NLRP1: variants seen among roughly 807,000 people sequenced by gnomAD.
NLRP1 encodes the protein NACHT, LRR and PYD domains-containing protein 1.
NLRP1 carries 94 observed loss-of-function variants against 136.7 expected under a neutral mutation model. That is an observed-to-expected ratio of 0.69 (90% CI 0.58 to 0.82). NLRP1 has a LOEUF of 0.82. NLRP1 is among the 40% of genes least tolerant of loss of function. NLRP1 has a pLI of 0.00. For synonymous variants in NLRP1, 690 were observed against 725.1 expected, an observed-to-expected ratio of 0.95 and a Z score of 0.78; for missense variants, 1,575 against 1,802.7, an observed-to-expected ratio of 0.87 and a Z score of 2.29.
chr17:5,512,659 C>T, downstream of NLRP1: 1 of 338,696 alleles, frequency 3.0e-6, no homozygotes, highest in East Asian at 5.0e-5. Context: ...ACACAGAGCC[C>T]TGAGCTCAGC....
At position 5,533,351 on chromosome 17, in the gene NLRP1, A is replaced by C. The variant is rs1264219239; in HGVS notation, c.3086T>G (p.Leu1029Arg). The C allele has an allele frequency of 2.8e-6, 4 of 1,427,062 alleles. No homozygotes were observed. In the Admixed American group the frequency reaches 7.9e-5, roughly 28 times the overall value. 88.4% of individuals were successfully genotyped at this position (1,427,062 alleles called of 1,614,324 possible). A position where few individuals can be genotyped will look rare whatever the true frequency, so the allele number is the denominator to read the frequency against. The change falls in exon 10 of 17, where the codon CTC (leucine) becomes CGC (arginine). Residue 1029 changes from leucine (L) to arginine (R), a missense_variant. By Grantham distance (102) the Leu-to-Arg change is moderately radical. Transcript: ENST00000572272. ...RAASHVAQAN[L>R]KLLDVSKIFP... is the part of the protein sequence containing the mutation. ...GATCTTGCTCACGTCCAGGAGTTTG[A>C]GATTAGCCTGAGCAACATGGGAAGC...
At chr17:5,512,055 T>G (rs985059998), downstream of NLRP1, 9 of 685,722 alleles carry the variant, frequency 1.3e-5, no homozygotes, top group Non-Finnish European at 2.2e-5. Flanking sequence ...AATTAACACC[T>G]TTAGGTATTT....
In NLRP1 at chr17:5,584,263, G is replaced by T; in HGVS notation, c.-306C>A. 1 of 468,592 alleles carries T rather than the reference G, an allele frequency of 2.1e-6. No individual in the cohort carries two copies. The highest frequency in any genetic ancestry group is 3.9e-6 in the Non-Finnish European group (1 of 256,884). The allele number at this position is 468,592 out of a possible 1,614,324, so 29.0% of individuals were successfully genotyped here. Reference sequence around the variant, plus strand: ...GGGTGAGGGTGAGGGGAGATGTGGTGACGGGAGATGGGGTGTGGGCAACGC... The same window carrying T: ...GGGTGAGGGTGAGGGGAGATGTGGTTACGGGAGATGGGGTGTGGGCAACGC... On this transcript the variant is annotated 5_prime_UTR_variant, in exon 1 of 17. Transcript: ENST00000572272.
At chr17:5,515,860 G>T (rs1233387501) in intron 15 of NLRP1, among the ~76,000 whole-genome samples, 1 of 152,068 alleles carries the variant, frequency 6.6e-6, no homozygotes, top group Non-Finnish European at 1.5e-5. Flanking sequence ...CAAACCCCTT[G>T]CTAGATAGCT....
intron 2 of NLRP1, 136 bp from the exon 3 acceptor site, chr17:5,582,198 G>C (rs753029354): frequency 2.5e-5 from 19 of 773,422 alleles, no homozygotes; most frequent in Non-Finnish European, 3.5e-5. Flanking sequence ...TGAAGTAGAG[G>C]GGCAATTTTA....
At chr17:5,545,681 A>G (rs1912577928) in intron 5 of NLRP1, among the ~76,000 whole-genome samples, 1 of 152,182 alleles carries the variant, frequency 6.6e-6, no homozygotes, top group South Asian at 2.1e-4. Context: ...CCTGAGCTGC[A>G]GAGTGTGGCC....
At chr17:5,539,315 A>G in intron 7 of NLRP1, 100 bp downstream of exon 7, 1 of 1,132,964 alleles carries the variant, frequency 8.8e-7, no homozygotes. Context: ...CTGGTAAGAA[A>G]CTTGGGTTGG....
intron 15 of NLRP1, chr17:5,502,176 G>A: frequency 3.4e-6 from 1 of 298,034 alleles, no homozygotes; most frequent in Non-Finnish European, 6.6e-6. Flanking sequence ...AACGGCAGCA[G>A]CAAACTCTGG....
chr17:5,515,049 G>A lies in NLRP1; in HGVS notation c.4127C>T (p.Pro1376Leu), dbSNP rs201238497. 8.7e-6 allele frequency: 14 copies of A among 1,613,970 alleles called. No homozygotes were observed. Among genetic ancestry groups the A allele is most frequent in the East Asian group, 4.5e-5 (2 of 44,892 alleles). ...RIAVPSPLDA[P>L]QLLHFVDQYR... ...CTGGTCCACAAAGTGCAGCAACTGC[G>A]GGGCATCCAGAGGTGAAGGTACGGC... Residue 1376 changes from proline (P) to leucine (L), a missense_variant, in exon 17 of 17, where the codon CCG becomes CTG. Transcript: ENST00000572272.
rs1905833005 is a variant in NLRP1 at position 5,582,782 on chromosome 17, G to A, written c.336C>T (p.Thr112=). The A allele has an allele frequency of 1.2e-6, 2 of 1,614,060 alleles. No individual in the cohort carries two copies. The highest frequency in any genetic ancestry group is 1.7e-6 in the Non-Finnish European group (2 of 1,179,950). Residue 112 remains threonine, a synonymous_variant, in exon 2 of 17, where the codon ACC becomes ACT. Coordinates refer to ENST00000572272, the MANE Select transcript of NLRP1 (RefSeq NM_033004.4). ...EPHLGSPSQP[T]STAVLMPWIH... is the part of the protein sequence containing the mutation. ...TCCAGGGCATTAGCACTGCGGTGGA[G>A]GTGGGTTGGCTGGGAGACCCCAGGT... is the stretch of plus-strand genomic sequence containing the variant.
intron 3 of NLRP1, among the ~76,000 whole-genome samples, chr17:5,560,838 C>T (rs540401225): frequency 3.3e-5 from 5 of 152,336 alleles, no homozygotes; most frequent in South Asian, 2.1e-4. Flanking sequence ...CAACCAAATC[C>T]GGTCTCAGGC....
intron 5 of NLRP1, among the ~76,000 whole-genome samples, chr17:5,544,288 C>T (rs555322260): frequency 3.9e-5 from 6 of 152,306 alleles, no homozygotes; most frequent in African/African-American, 1.4e-4. Flanking sequence ...CAGCCTTTCT[C>T]GATTTGGGCT....
intron 16 of NLRP1, 122 bp from the exon 17 acceptor site, chr17:5,515,195 C>T: frequency 1.0e-6 from 1 of 970,346 alleles, no homozygotes; most frequent in Non-Finnish European, 1.5e-6. Context: ...CACCTGTGTC[C>T]TCCCTCATGG....
chr17:5,505,597 C>G (rs8068187), intron 15 of NLRP1: 50,225 of 152,252 alleles, frequency 0.33, 9,602 homozygotes, highest in African/African-American at 0.53. Context: ...TTTCAAGGCA[C>G]TGACTGCCAC....
rs1465199052 is a variant in NLRP1, at chr17:5,530,497, G to GT, written c.3503dup (p.His1168GlnfsTer21). 4.3e-6 allele frequency: 7 copies of GT among 1,613,924 alleles called. No homozygotes were observed. Among genetic ancestry groups the GT allele is most frequent in the African/African-American group, 4.0e-5 (3 of 74,904 alleles). On this transcript the variant is annotated frameshift_variant, in exon 12 of 17. Transcript: ENST00000572272. LOFTEE classifies it high-confidence loss of function. ...GTTGTTTACCTTGGAGAGCCACAAA[G>GT]TGAGGGAGGTGCACAGCTTCCACAG... is the stretch of plus-strand genomic sequence containing the variant.
intron 12 of NLRP1, among the ~76,000 whole-genome samples, chr17:5,525,407 C>T (rs531353693): frequency 5.9e-5 from 9 of 152,326 alleles, no homozygotes; most frequent in East Asian, 3.9e-4. Context: ...GCCGCATGCC[C>T]GGTGTTTGCC....
intron 13 of NLRP1, 23 bp downstream of exon 13, chr17:5,521,501 G>A: frequency 6.2e-7 from 1 of 1,606,330 alleles, no homozygotes; most frequent in Non-Finnish European, 8.5e-7. Context: ...CCGTGGCCCA[G>A]CCTTTCTGGC....
At chr17:5,564,246 ATTAT>A (rs1307732037) in intron 3 of NLRP1, among the ~76,000 whole-genome samples, 4 of 152,196 alleles carry the variant, frequency 2.6e-5, no homozygotes, top group Admixed American at 6.5e-5. Context: ...CAATTAATTT[ATTAT>A]TGACTATAGT....
At chr17:5,527,515 C>T (rs961717656) in intron 12 of NLRP1, among the ~76,000 whole-genome samples, 1 of 152,166 alleles carries the variant, frequency 6.6e-6, no homozygotes, top group African/African-American at 2.4e-5. Flanking sequence ...ATAAACAGGA[C>T]TTGGGATAGA....
Sources: allele counts gnomAD v4.1 joint callset (sites outside exome capture counted in the v4.1 genomes callset), GRCh38; gene constraint gnomAD v4.1.1; transcripts MANE v1.5; gene names NCBI Gene and HGNC (gene_info 2026-07-23, HGNC 2026-07-21).